The following NTM variants were observed in gnomAD, a reference collection of about 807,000 sequenced individuals.
The protein encoded by NTM is neurotrimin, also known as IgLON family member 2.
NTM carries 13 observed loss-of-function variants against 42.1 expected under a neutral mutation model. The ratio of observed to expected loss-of-function variants is 0.31; its 90% CI spans 0.20 to 0.49. The LOEUF (loss-of-function observed/expected upper bound fraction) is 0.49. Ranked by LOEUF, NTM falls within the 20% of genes least tolerant of loss-of-function variation. The probability of loss-of-function intolerance (pLI) is 0.99; values close to 1 mark genes in which losing one functional copy is unlikely to be tolerated. For missense variants in NTM, 373 were observed against 452.8 expected (o/e 0.82, Z 1.60); for synonymous variants, 187 against 179.2 (o/e 1.04, Z -0.35).
intron 4 of NTM, among the ~76,000 whole-genome samples, chr11:132,254,972 C>T (rs1444502195): frequency 1.3e-5 from 2 of 152,222 alleles, no homozygotes; most frequent in Admixed American, 1.3e-4. Context: ...AAAATGTCCC[C>T]AGACATTTCC....
At chr11:132,193,441 A>C (rs2079629939) in intron 3 of NTM, among the ~76,000 whole-genome samples, 1 of 152,102 alleles carries the variant, frequency 6.6e-6, no homozygotes. Flanking sequence ...AAAATAAAAA[A>C]ATAAAAACAA....
At chr11:131,448,476 G>A (rs1199442371) in intron 1 of NTM, among the ~76,000 whole-genome samples, 1 of 152,230 alleles carries the variant, frequency 6.6e-6, no homozygotes, top group Non-Finnish European at 1.5e-5. Context: ...GGGAGGCCAG[G>A]TGGAGTATTT....
At chr11:131,799,604 G>A (rs778313379) in intron 1 of NTM, among the ~76,000 whole-genome samples, 39 of 152,242 alleles carry the variant, frequency 2.6e-4, no homozygotes, top group Admixed American at 5.9e-4. Context: ...CCGGCTCAGT[G>A]GAGAGTTTGT....
intron 2 of NTM, among the ~76,000 whole-genome samples, chr11:131,929,326 G>A (rs369264363): frequency 1.3e-5 from 2 of 152,274 alleles, no homozygotes; most frequent in East Asian, 3.9e-4. Context: ...GAACCAACGG[G>A]GGGGCACATG....
intron 4 of NTM, among the ~76,000 whole-genome samples, chr11:132,219,388 G>T (rs777167948): frequency 1.5e-4 from 23 of 152,224 alleles, no homozygotes; most frequent in Admixed American, 2.6e-4. Flanking sequence ...TTTGTCTTTA[G>T]TGTCTGATAA....
At chr11:131,644,146 C>G (rs146837039) in intron 1 of NTM, among the ~76,000 whole-genome samples, 1 of 152,158 alleles carries the variant, frequency 6.6e-6, no homozygotes, top group African/African-American at 2.4e-5. Flanking sequence ...TCCTTCCCTT[C>G]ATCTTCAGCT....
intron 4 of NTM, among the ~76,000 whole-genome samples, chr11:132,263,247 G>A (rs1049040058): frequency 6.6e-6 from 1 of 152,212 alleles, no homozygotes. Context: ...TGAAACTGAG[G>A]TGGTGCTCCC....
chr11:132,153,179 AG>A (rs2072373734), intron 3 of NTM, among the ~76,000 whole-genome samples: 1 of 152,204 alleles, frequency 6.6e-6, no homozygotes, highest in African/African-American at 2.4e-5. Flanking sequence ...GCGGCCTCAG[AG>A]TCTAACACCA....
chr11:131,700,911 G>C lies in NTM; in HGVS notation c.83-210653G>C, dbSNP rs1592618466. Among the ~76,000 whole-genome samples the C allele has an allele frequency of 4.6e-5, 7 of 152,278 alleles. No homozygotes were observed. In the South Asian group the frequency reaches 1.5e-3, roughly 32 times the overall value. On this transcript the variant is annotated intron_variant, in intron 1 of 8. Transcript: ENST00000683400. ...TGTAGTGGCTGCAGGTTTTGTCTCT[G>C]GAGTCAGACAGCTTAGATGTGAATC...
chr11:131,407,295 T>C (rs187403635), intron 1 of NTM, among the ~76,000 whole-genome samples: 35 of 152,354 alleles, frequency 2.3e-4, no homozygotes, highest in Middle Eastern at 3.4e-3. Flanking sequence ...AGATCTATTA[T>C]GTGGCCAGAA....
intron 1 of NTM, among the ~76,000 whole-genome samples, chr11:131,538,913 T>C (rs1008940488): frequency 7.3e-6 from 1 of 136,910 alleles, no homozygotes; most frequent in Non-Finnish European, 1.6e-5. Flanking sequence ...TTGGGCATGT[T>C]AACTTAGCTT....
At chr11:131,404,576 G>A (rs1945609881) in intron 1 of NTM, among the ~76,000 whole-genome samples, 1 of 152,102 alleles carries the variant, frequency 6.6e-6, no homozygotes. Flanking sequence ...TTACATCACT[G>A]CCCAGACCTT....
chr11:131,465,075 C>G (rs1951763298), intron 1 of NTM, among the ~76,000 whole-genome samples: 1 of 152,212 alleles, frequency 6.6e-6, no homozygotes, highest in Admixed American at 6.5e-5. Context: ...TGGATAAATT[C>G]CAAGAATGGA....
intron 1 of NTM, among the ~76,000 whole-genome samples, chr11:131,438,379 C>T (rs1296621973): frequency 1.3e-5 from 2 of 152,164 alleles, no homozygotes; most frequent in African/African-American, 4.8e-5. Context: ...AGAGTGTTTT[C>T]CAACTTGGTT....
At chr11:131,546,096 C>A (rs1032156346) in intron 1 of NTM, among the ~76,000 whole-genome samples, 1 of 152,096 alleles carries the variant, frequency 6.6e-6, no homozygotes, top group Non-Finnish European at 1.5e-5. Flanking sequence ...AATTTATAGC[C>A]TCATGCACCA....
chr11:132,067,278 C>T (rs1288025124), intron 2 of NTM, among the ~76,000 whole-genome samples: 2 of 152,236 alleles, frequency 1.3e-5, no homozygotes, highest in Non-Finnish European at 2.9e-5. Context: ...TTTAGCCTCT[C>T]ACAGTGTGCC....
intron 1 of NTM, among the ~76,000 whole-genome samples, chr11:131,852,758 T>C (rs557377334): frequency 2.6e-5 from 4 of 152,104 alleles, no homozygotes; most frequent in Admixed American, 1.3e-4. Flanking sequence ...CACTCATCCA[T>C]CCAACTATTC....
chr11:131,824,185 CTT>C (rs2093301508), intron 1 of NTM, among the ~76,000 whole-genome samples: 1 of 152,184 alleles, frequency 6.6e-6, no homozygotes, highest in African/African-American at 2.4e-5. Flanking sequence ...GTGGGCATAA[CTT>C]TACTTACAAG....
intron 2 of NTM, among the ~76,000 whole-genome samples, chr11:132,066,758 CT>C (rs2056559174): frequency 6.6e-6 from 1 of 152,118 alleles, no homozygotes; most frequent in Admixed American, 6.6e-5. Flanking sequence ...AAATTTGCTT[CT>C]TTCTTGCTCT....
Sources: allele counts gnomAD v4.1 joint callset (sites outside exome capture counted in the v4.1 genomes callset), GRCh38; gene constraint gnomAD v4.1.1; transcripts MANE v1.5; gene names NCBI Gene and HGNC (gene_info 2026-07-23, HGNC 2026-07-21).